The following ADAMTSL1 variants were observed in gnomAD, a reference collection of about 807,000 sequenced individuals.
ADAMTSL1 encodes ADAMTS like 1.
A neutral mutation model predicts 201.8 loss-of-function variants in ADAMTSL1; 126 were observed. The ratio of observed to expected loss-of-function variants is 0.62; its 90% CI spans 0.54 to 0.72. The LOEUF is 0.72. ADAMTSL1 is among the 30% of genes least tolerant of loss of function. ADAMTSL1 has a pLI of 0.00. For missense variants in ADAMTSL1, 2,679 were observed against 2,277.8 expected (o/e 1.18, Z -3.59); for synonymous variants, 1,121 against 903.4 (o/e 1.24, Z -4.32).
At chr9:17,991,337 T>C (rs143698737) in intron 1 of ADAMTSL1, among the ~76,000 whole-genome samples, 99 of 152,234 alleles carry the variant, frequency 6.5e-4, no homozygotes, top group African/African-American at 2.2e-3. Flanking sequence ...AAAAAGAACA[T>C]TTTTATCAAA....
intron 20 of ADAMTSL1, among the ~76,000 whole-genome samples, chr9:18,811,891 C>T (rs76412656): frequency 2.0e-3 from 308 of 151,968 alleles, no homozygotes; most frequent in African/African-American, 7.3e-3. Flanking sequence ...GTTAATGTAA[C>T]AAAATATAAC....
chr9:18,254,792 G>A (rs72684970), intron 2 of ADAMTSL1, among the ~76,000 whole-genome samples: 5,836 of 151,978 alleles, frequency 0.038, 156 homozygotes, highest in Non-Finnish European at 0.062. Flanking sequence ...AAAGTTATTA[G>A]CTATGTGGCA....
At chr9:17,952,889 G>T (rs1224992880) in intron 1 of ADAMTSL1, among the ~76,000 whole-genome samples, 2 of 149,990 alleles carry the variant, frequency 1.3e-5, no homozygotes, top group Non-Finnish European at 3.0e-5. Flanking sequence ...GTCTTATCTG[G>T]AAAGCAGTTT....
Position 18,775,841 on chromosome 9 carries a change from C to T in ADAMTSL1, c.2496C>T (p.Cys832=). 1 of 1,605,470 alleles carries T rather than the reference C, an allele frequency of 6.2e-7. No homozygotes were observed. Among genetic ancestry groups the T allele is most frequent in the Non-Finnish European group, 8.5e-7 (1 of 1,175,692 alleles). Residue 832 remains cysteine (C), a synonymous_variant, in exon 18 of 29, where the codon TGC becomes TGT. Transcript: ENST00000380548. ...GLSTVVNSTL[C]PPLPFSSSIR... is the part of the protein sequence containing the mutation. ...CAACGGTTGTCAATTCCACCCTGTG[C>T]CCGCCCCTGCCTTTCTCTTCCTCCA...
chr9:18,875,003 T>A (rs1403600953), intron 23 of ADAMTSL1, among the ~76,000 whole-genome samples: 1 of 152,174 alleles, frequency 6.6e-6, no homozygotes. Context: ...GAGGGTTGTA[T>A]ATTTCCAGGA....
intron 1 of ADAMTSL1, among the ~76,000 whole-genome samples, chr9:18,009,379 T>A (rs778405621): frequency 3.9e-5 from 6 of 152,000 alleles, no homozygotes; most frequent in Non-Finnish European, 8.8e-5. Context: ...ACCTAAACAC[T>A]GCACTGGAAA....
intron 2 of ADAMTSL1, among the ~76,000 whole-genome samples, chr9:18,229,186 G>A (rs1320657173): frequency 6.6e-6 from 1 of 152,066 alleles, no homozygotes; most frequent in Non-Finnish European, 1.5e-5. Flanking sequence ...ATCATCCCTG[G>A]ATCACTGCAC....
chr9:18,072,802 G>A (rs1012508573), intron 1 of ADAMTSL1, among the ~76,000 whole-genome samples: 1 of 152,178 alleles, frequency 6.6e-6, no homozygotes, highest in Non-Finnish European at 1.5e-5. Context: ...GAATAGTGGA[G>A]TTTTCCAGTT....
chr9:18,496,380 T>C (rs1381165887), intron 1 of ADAMTSL1, among the ~76,000 whole-genome samples: 1 of 152,216 alleles, frequency 6.6e-6, no homozygotes, highest in Non-Finnish European at 1.5e-5. Context: ...CATCCTACAA[T>C]ATCTGGATGG....
At chr9:18,116,229 A>T (rs1825242850) in intron 1 of ADAMTSL1, among the ~76,000 whole-genome samples, 2 of 152,196 alleles carry the variant, frequency 1.3e-5, no homozygotes, top group African/African-American at 4.8e-5. Flanking sequence ...GGACTACATA[A>T]TTGTAGTAGT....
rs536098879 is a variant in ADAMTSL1, at chr9:18,409,146, G to A, written c.208-95683G>A. On this transcript the variant is annotated intron_variant, in intron 2 of 29. Coordinates refer to the ADAMTSL1 transcript ENST00000680146. ...CACCTGTAATCCCAGCACTCCAGGA[G>A]GCCAAAGCAGGCAAATCACCTGAGG... Among the ~76,000 whole-genome samples, 3 of 151,910 alleles carry A rather than the reference G, an allele frequency of 2.0e-5. No homozygotes were observed. In the South Asian group the frequency reaches 6.2e-4, roughly 32 times the overall value.
At chr9:18,897,394 T>C (rs1239165344) in intron 26 of ADAMTSL1, among the ~76,000 whole-genome samples, 1 of 152,220 alleles carries the variant, frequency 6.6e-6, no homozygotes, top group East Asian at 1.9e-4. Context: ...ACTGGGTTCC[T>C]GATCCCATCC....
chr9:18,904,733 T>C (rs922960938), intron 26 of ADAMTSL1, among the ~76,000 whole-genome samples: 18 of 33,722 alleles, frequency 5.3e-4, no homozygotes, highest in East Asian at 5.0e-3. Flanking sequence ...TTAAGGGGGC[T>C]TTTTTTTTTT....
chr9:18,824,285 A>C (rs1227790566), intron 21 of ADAMTSL1, among the ~76,000 whole-genome samples: 1 of 152,096 alleles, frequency 6.6e-6, no homozygotes, highest in African/African-American at 2.4e-5. Flanking sequence ...GCTGCAATGA[A>C]AAATCAGCTG....
chr9:18,364,946 C>G (rs1332081764), intron 2 of ADAMTSL1, among the ~76,000 whole-genome samples: 1 of 152,094 alleles, frequency 6.6e-6, no homozygotes, highest in African/African-American at 2.4e-5. Flanking sequence ...CCCCCATGAT[C>G]CAATAACCTC....
chr9:18,887,178 T>G (rs1038868233), intron 23 of ADAMTSL1, among the ~76,000 whole-genome samples: 17 of 152,268 alleles, frequency 1.1e-4, no homozygotes, highest in African/African-American at 4.1e-4. Flanking sequence ...TCTTACCGAT[T>G]CTATGCTACA....
intron 2 of ADAMTSL1, among the ~76,000 whole-genome samples, chr9:18,263,591 A>C (rs1325791043): frequency 1.3e-5 from 2 of 152,198 alleles, no homozygotes; most frequent in Admixed American, 6.5e-5. Flanking sequence ...ATTTTTAGCT[A>C]CTATTGTGGA....
At chr9:18,125,280 T>C (rs1825685912) in intron 1 of ADAMTSL1, among the ~76,000 whole-genome samples, 1 of 152,016 alleles carries the variant, frequency 6.6e-6, no homozygotes, top group African/African-American at 2.4e-5. Flanking sequence ...TCAGATCTGG[T>C]GAGACTCATT....
At chr9:18,825,354 C>T (rs1485087533) in intron 21 of ADAMTSL1, among the ~76,000 whole-genome samples, 1 of 152,188 alleles carries the variant, frequency 6.6e-6, no homozygotes, top group African/African-American at 2.4e-5. Context: ...CCATCTCTCT[C>T]ACAGAAAATA....
Sources: allele counts gnomAD v4.1 joint callset (sites outside exome capture counted in the v4.1 genomes callset), GRCh38; gene constraint gnomAD v4.1.1; transcripts MANE v1.5; gene names NCBI Gene and HGNC (gene_info 2026-07-23, HGNC 2026-07-21).